The following CDH12 variants were observed in gnomAD, a reference collection of about 807,000 sequenced individuals.
CDH12 encodes the protein cadherin 12.
Under a neutral mutation model 74.1 loss-of-function variants are expected in CDH12, and 41 were observed. That is an observed-to-expected ratio of 0.55 (90% confidence interval 0.43 to 0.72). The LOEUF (loss-of-function observed/expected upper bound fraction) is 0.72, where lower values mean the gene tolerates loss of function less well. Ranked by LOEUF, CDH12 falls within the 30% of genes least tolerant of loss-of-function variation. The probability of loss-of-function intolerance (pLI) is 0.00; values close to 1 mark genes in which losing one functional copy is unlikely to be tolerated. For missense variants in CDH12, 945 were observed against 977.2 expected, an observed-to-expected ratio of 0.97 and a Z score of 0.44; for synonymous variants, 399 against 355.0, an observed-to-expected ratio of 1.12 and a Z score of -1.39.
chr5:22,060,613 T>C (rs1455451160), intron 5 of CDH12, among the ~76,000 whole-genome samples: 1 of 152,162 alleles, frequency 6.6e-6, no homozygotes, highest in Non-Finnish European at 1.5e-5. Flanking sequence ...CACTATGTGG[T>C]GATGCTTCAG....
chr5:22,839,047 C>T (rs1474984656), intron 1 of CDH12, among the ~76,000 whole-genome samples: 1 of 151,966 alleles, frequency 6.6e-6, no homozygotes, highest in Non-Finnish European at 1.5e-5. Context: ...TTGGTAGTGT[C>T]GGTGTTTTTG....
At chr5:22,425,154 T>TATATATATATATATAAAA (rs1554039864) in intron 2 of CDH12, among the ~76,000 whole-genome samples, 1 of 65,178 alleles carries the variant, frequency 1.5e-5, no homozygotes, top group African/African-American at 1.2e-4. Context: ...TGTGTGTGTG[T>TATATATATATATATAAAA]ATATATATAT....
At chr5:22,219,299 G>T (rs1751931284) in intron 3 of CDH12, among the ~76,000 whole-genome samples, 1 of 151,556 alleles carries the variant, frequency 6.6e-6, no homozygotes, top group African/African-American at 2.4e-5. Context: ...TTACAGAGTG[G>T]CTCTAAACGG....
rs186489929 is a variant in CDH12 at position 21,955,589 on chromosome 5, C to T, written c.526+19502G>A. 4.9e-3 allele frequency among the ~76,000 whole-genome samples: 746 copies of T among 151,982 alleles called. 6 individuals carry two copies. Among genetic ancestry groups the T allele is most frequent in the African/African-American group, 0.017 (712 of 41,482 alleles). On this transcript the variant is annotated intron_variant, in intron 6 of 14. Transcript: ENST00000382254. ...TATAACCTTACCAGTTGCAATTTGC[C>T]GATCTCTACAAATATTAATATTTAT...
chr5:22,467,208 C>T (rs778610537), intron 2 of CDH12, among the ~76,000 whole-genome samples: 2 of 152,120 alleles, frequency 1.3e-5, no homozygotes, highest in African/African-American at 4.8e-5. Context: ...AGAATTGGAA[C>T]CTTGACAGCC....
chr5:22,811,213 G>A (rs1399468739), intron 1 of CDH12, among the ~76,000 whole-genome samples: 3 of 151,994 alleles, frequency 2.0e-5, no homozygotes, highest in African/African-American at 7.2e-5. Flanking sequence ...AAAACTGGGA[G>A]AGAGGAGAGA....
At chr5:22,338,525 G>A (rs1301707575) in intron 3 of CDH12, among the ~76,000 whole-genome samples, 1 of 151,842 alleles carries the variant, frequency 6.6e-6, no homozygotes, top group Non-Finnish European at 1.5e-5. Context: ...CACAGTAGGG[G>A]GACTATAGCC....
intron 1 of CDH12, among the ~76,000 whole-genome samples, chr5:22,655,358 G>C (rs1039697150): frequency 2.0e-5 from 3 of 152,040 alleles, no homozygotes; most frequent in East Asian, 3.9e-4. Context: ...AAGAAGCTTC[G>C]GTGTCCTCCT....
chr5:22,031,083 C>T (rs1203659858), intron 5 of CDH12, among the ~76,000 whole-genome samples: 2 of 152,158 alleles, frequency 1.3e-5, no homozygotes, highest in African/African-American at 4.8e-5. Context: ...ACCTGTAATC[C>T]CAGCACTTTA....
At chr5:22,461,615 T>TA (rs1296226418) in intron 2 of CDH12, among the ~76,000 whole-genome samples, 4 of 151,854 alleles carry the variant, frequency 2.6e-5, no homozygotes, top group Non-Finnish European at 4.4e-5. Context: ...GTTGCCTTTG[T>TA]AAAAAAAATT....
chr5:22,292,263 G>A (rs960639165), intron 3 of CDH12, among the ~76,000 whole-genome samples: 17 of 151,606 alleles, frequency 1.1e-4, no homozygotes, highest in South Asian at 2.1e-4. Flanking sequence ...GAAAATATAG[G>A]GGGTAACCTC....
intron 10 of CDH12, among the ~76,000 whole-genome samples, chr5:21,785,555 C>G (rs546726337): frequency 9.6e-4 from 146 of 152,264 alleles, no homozygotes; most frequent in African/African-American, 3.3e-3. Context: ...GATTAAAAAG[C>G]AAATGAGTTT....
intron 5 of CDH12, among the ~76,000 whole-genome samples, chr5:22,076,712 T>C (rs1467777284): frequency 2.6e-5 from 4 of 152,196 alleles, no homozygotes; most frequent in African/African-American, 9.6e-5. Flanking sequence ...TGAGGAATTA[T>C]ATAAGCAGAA....
chr5:22,121,756 T>C (rs973313077), intron 4 of CDH12, among the ~76,000 whole-genome samples: 1 of 152,144 alleles, frequency 6.6e-6, no homozygotes, highest in African/African-American at 2.4e-5. Context: ...ATGTCTTTAG[T>C]ATATAGCTAC....
intron 1 of CDH12, among the ~76,000 whole-genome samples, chr5:22,744,869 G>C (rs183502562): frequency 6.6e-6 from 1 of 151,966 alleles, no homozygotes; most frequent in Non-Finnish European, 1.5e-5. Context: ...GAGACTTTTG[G>C]TTTCTGCAAC....
intron 2 of CDH12, among the ~76,000 whole-genome samples, chr5:22,406,721 T>G (rs953608718): frequency 6.6e-6 from 1 of 152,100 alleles, no homozygotes; most frequent in Admixed American, 6.6e-5. Context: ...AAGCATGTGG[T>G]AATACAGATA....
intron 4 of CDH12, among the ~76,000 whole-genome samples, chr5:22,190,346 A>ATCTG (rs554465233): frequency 5.4e-4 from 80 of 148,846 alleles, no homozygotes; most frequent in African/African-American, 1.6e-3. Context: ...TCATGCCTCC[A>ATCTG]TCTGTCTGTC....
intron 10 of CDH12, among the ~76,000 whole-genome samples, chr5:21,797,944 C>A (rs960271881): frequency 2.0e-5 from 3 of 152,080 alleles, no homozygotes; most frequent in African/African-American, 7.2e-5. Context: ...AGCATGTTCT[C>A]TACTCTAGAT....
intron 2 of CDH12, among the ~76,000 whole-genome samples, chr5:22,425,172 A>AAATATATAT (rs1743866934): frequency 1.2e-5 from 1 of 83,454 alleles, no homozygotes; most frequent in African/African-American, 4.4e-5. Context: ...TATATATATA[A>AAATATATAT]ATATATATAT....
Sources: allele counts gnomAD v4.1 joint callset (sites outside exome capture counted in the v4.1 genomes callset), GRCh38; gene constraint gnomAD v4.1.1; transcripts MANE v1.5; gene names NCBI Gene and HGNC (gene_info 2026-07-23, HGNC 2026-07-21).